The following NLE1 variants were observed in gnomAD, a reference collection of about 807,000 sequenced individuals.
The protein encoded by NLE1 is notchless homolog 1.
Under a neutral mutation model 62.8 loss-of-function variants are expected in NLE1, and 37 were observed. The observed-to-expected ratio is 0.59, with a 90% confidence interval of 0.45 to 0.78. The LOEUF is 0.78. Ranked by LOEUF, NLE1 falls within the 30% of genes least tolerant of loss-of-function variation. NLE1 has a pLI of 0.00. For synonymous variants in NLE1, 243 were observed against 253.0 expected, an observed-to-expected ratio of 0.96 and a Z score of 0.37; for missense variants, 555 against 637.9, an observed-to-expected ratio of 0.87 and a Z score of 1.40.
chr17:35,136,289 A>T, intron 8 of NLE1, 73 bp downstream of exon 8: 1 of 1,611,526 alleles, frequency 6.2e-7, no homozygotes, highest in Non-Finnish European at 8.5e-7. Context: ...ACAAAGAGCA[A>T]ACACTCCCCA....
In NLE1 at chr17:35,130,724, C is replaced by T. The variant is rs2091871986; in HGVS notation, c.*1713G>A. 1 of 373,576 alleles carries T rather than the reference C, an allele frequency of 2.7e-6. No homozygotes were observed. The highest frequency in any genetic ancestry group is 4.3e-5 in the Admixed American group (1 of 23,460). 23.1% of individuals were successfully genotyped at this position (373,576 alleles called of 1,614,324 possible). A position where few individuals can be genotyped will look rare whatever the true frequency, so the allele number is the denominator to read the frequency against. On this transcript the variant is annotated 3_prime_UTR_variant, in exon 13 of 13. Coordinates refer to ENST00000442241, the MANE Select transcript of NLE1 (RefSeq NM_018096.5). ...GGTCCCTCATTAAAGAACTGCAGGT[C>T]ATCCAGCACCCTAAAGTCTGCTTTA... is the stretch of plus-strand genomic sequence containing the variant.
At chr17:35,137,731 C>A in intron 5 of NLE1, 83 bp downstream of exon 5, 1 of 1,359,316 alleles carries the variant, frequency 7.4e-7, no homozygotes, top group Non-Finnish European at 1.0e-6. Flanking sequence ...CAACCCTCCC[C>A]AAAGACTCCT....
intron 12 of NLE1, among the ~76,000 whole-genome samples, chr17:35,132,874 C>A (rs2091885166): frequency 6.6e-6 from 1 of 152,194 alleles, no homozygotes; most frequent in South Asian, 2.1e-4. Context: ...CCTGGATGCG[C>A]CCTCTACAAG....
At chr17:35,141,790 G>A (rs368691253) in intron 2 of NLE1, among the ~76,000 whole-genome samples, 189 bp downstream of exon 2, 43 of 152,290 alleles carry the variant, frequency 2.8e-4, no homozygotes, top group African/African-American at 1.0e-3. Context: ...TCCGCAGGTG[G>A]ACCCCTTTGG....
At chr17:35,136,058 A>C (rs1335612819) in intron 9 of NLE1, 111 bp downstream of exon 9, 2 of 1,017,714 alleles carry the variant, frequency 2.0e-6, no homozygotes, top group African/African-American at 3.2e-5. Flanking sequence ...AACTTTTTGG[A>C]ATAGGTACAT....
chr17:35,136,305 C>T, intron 8 of NLE1, 57 bp downstream of exon 8: 1 of 1,609,256 alleles, frequency 6.2e-7, no homozygotes, highest in Non-Finnish European at 8.5e-7. Flanking sequence ...CCCCATTAAG[C>T]TTGAGAACTG....
rs375208616 is a variant in NLE1 at position 35,135,311 on chromosome 17, G to C, written c.1152C>G (p.Ser384=). The C allele has an allele frequency of 9.2e-5, 149 of 1,614,086 alleles. No homozygotes were observed. The highest frequency in any genetic ancestry group is 1.0e-4 in the Non-Finnish European group (118 of 1,180,046). ...LINQVLFSPD[S]RIVASASFDK... ...CAAAGGAGGCACTAGCCACGATGCGGGAGTCAGGAGAGAAGAGCACCTGGT... is the reference window on the plus strand; with the variant it reads ...CAAAGGAGGCACTAGCCACGATGCGCGAGTCAGGAGAGAAGAGCACCTGGT... The change falls in exon 10 of 13, where the codon TCC becomes TCG. Residue 384 remains serine, a synonymous_variant. Transcript: ENST00000442241.
chr17:35,133,088 T>G, intron 12 of NLE1, 83 bp downstream of exon 12: 1 of 1,355,358 alleles, frequency 7.4e-7, no homozygotes, highest in Non-Finnish European at 1.1e-6. Context: ...TGCGGAATTC[T>G]ATGCTGTAAG....
intron 4 of NLE1, 151 bp from the exon 5 acceptor site, chr17:35,138,041 G>A (rs1456964755): frequency 1.6e-6 from 1 of 617,962 alleles, no homozygotes; most frequent in African/African-American, 1.8e-5. Flanking sequence ...GGGATGGATA[G>A]AATGCACCCC....
chr17:35,136,776 C>T (rs1425131285), intron 7 of NLE1, among the ~76,000 whole-genome samples: 2 of 152,140 alleles, frequency 1.3e-5, no homozygotes, highest in East Asian at 3.9e-4. Context: ...AGCTGTCCTA[C>T]AGGAGGAATT....
rs1312970499 is a variant in NLE1 at position 35,133,379 on chromosome 17, G to A, written c.1334C>T (p.Ala445Val). The A allele has an allele frequency of 6.2e-7, 1 of 1,614,154 alleles. No individual in the cohort carries two copies. The highest frequency in any genetic ancestry group is 8.5e-7 in the Non-Finnish European group (1 of 1,180,036). Reference sequence around the variant, plus strand: ...GGGCAGGTCCATGGCCAGCTTCTGGGCCTTCACATCCCACACCTTCAGTGT... The same window carrying A: ...GGGCAGGTCCATGGCCAGCTTCTGGACCTTCACATCCCACACCTTCAGTGT... The part of the protein sequence containing the change: ...DSTLKVWDVK[A>V]QKLAMDLPGH... Residue 445 changes from alanine to valine, a missense_variant, in exon 11 of 13, where the codon GCC becomes GTC. Ala to Val is a moderately conservative substitution (Grantham distance 64). Coordinates refer to ENST00000442241, the MANE Select transcript of NLE1 (RefSeq NM_018096.5).
intron 10 of NLE1, 167 bp downstream of exon 10, chr17:35,135,082 A>T: frequency 1.4e-6 from 1 of 714,948 alleles, no homozygotes. Context: ...AAACAAACAA[A>T]CACCTTGTAA....
In NLE1 at chr17:35,129,942, A is replaced by G; in HGVS notation, c.*2495T>C. The stretch of plus-strand genomic sequence containing the variant: ...TTTTAGACTCTGCAATTCAGTGCCC[A>G]TGATTGTGAGTAGGCTGGGAAGTCA... On this transcript the variant is annotated 3_prime_UTR_variant, in exon 13 of 13. Transcript: ENST00000442241. 7.3e-7 allele frequency: 1 copy of G among 1,376,476 alleles called. No homozygotes were observed. The allele number at this position is 1,376,476 out of a possible 1,614,324, so 85.3% of individuals were successfully genotyped here. A position where few individuals can be genotyped will look rare whatever the true frequency, so the allele number is the denominator to read the frequency against.
intron 9 of NLE1, among the ~76,000 whole-genome samples, chr17:35,135,778 A>G (rs2091904994): frequency 6.6e-6 from 1 of 152,252 alleles, no homozygotes; most frequent in Non-Finnish European, 1.5e-5. Flanking sequence ...TATACTGTAT[A>G]TAGACACGTG....
chr17:35,141,873 C>T, intron 2 of NLE1, 106 bp downstream of exon 2: 1 of 1,313,798 alleles, frequency 7.6e-7, no homozygotes, highest in South Asian at 1.4e-5. Context: ...TGGGTCACCA[C>T]AGTCCGTTAG....
At chr17:35,138,634 G>A (rs1729534931) in intron 4 of NLE1, among the ~76,000 whole-genome samples, 1 of 152,136 alleles carries the variant, frequency 6.6e-6, no homozygotes, top group Non-Finnish European at 1.5e-5. Context: ...AGTAGAGATG[G>A]GGTTTCACTG....
At position 35,141,611 on chromosome 17, in the gene NLE1, G is replaced by C. The variant is rs2091944583; in HGVS notation, c.162+368C>G. On this transcript the variant is annotated intron_variant, in intron 2 of 12. Coordinates refer to ENST00000442241, the MANE Select transcript of NLE1 (RefSeq NM_018096.5). ...AAATAAAAGCATGGGTATTCGGATA[G>C]TTTTGGGTTCCAATTCCAAATCTGC... Among the ~76,000 whole-genome samples, 4 of 151,190 alleles carry C rather than the reference G, an allele frequency of 2.6e-5. No homozygotes were observed. In the South Asian group the frequency reaches 8.3e-4, roughly 31 times the overall value.
chr17:35,136,886 C>T (rs924591198), intron 7 of NLE1, 115 bp downstream of exon 7: 3 of 1,011,888 alleles, frequency 3.0e-6, no homozygotes, highest in Non-Finnish European at 4.5e-6. Flanking sequence ...TAGACCAGGG[C>T]TCCCAGCACA....
intron 2 of NLE1, 144 bp from the exon 3 acceptor site, chr17:35,140,210 G>T: frequency 1.2e-6 from 1 of 808,950 alleles, no homozygotes; most frequent in Non-Finnish European, 1.9e-6. Flanking sequence ...ATTGCCCATT[G>T]AGCAAGACCT....
Sources: allele counts gnomAD v4.1 joint callset (sites outside exome capture counted in the v4.1 genomes callset), GRCh38; gene constraint gnomAD v4.1.1; transcripts MANE v1.5; gene names NCBI Gene and HGNC (gene_info 2026-07-23, HGNC 2026-07-21).